Variants in RUNX1 observed in about 807,000 individuals in gnomAD.
RUNX1 encodes runt-related transcription factor 1.
A neutral mutation model predicts 42.8 loss-of-function variants in RUNX1; 19 were observed. That is an observed-to-expected ratio of 0.44 (90% CI 0.31 to 0.65). The LOEUF is 0.65. Among genes scored for constraint, RUNX1 ranks in the 30% least tolerant of loss-of-function variants. The pLI, the probability that RUNX1 is intolerant of heterozygous loss-of-function variation, is 0.07. For synonymous variants in RUNX1, 271 were observed against 289.4 expected (o/e 0.94, Z 0.64); for missense variants, 528 against 672.0 (o/e 0.79, Z 2.37).
chr21:34,999,303 G>A (rs572397448), intron 2 of RUNX1, among the ~76,000 whole-genome samples: 1 of 152,348 alleles, frequency 6.6e-6, no homozygotes, highest in South Asian at 2.1e-4. Context: ...TTAACAGGCT[G>A]CCTTTTCTCC....
chr21:34,827,411 A>G (rs2057003055), intron 7 of RUNX1, among the ~76,000 whole-genome samples: 1 of 152,238 alleles, frequency 6.6e-6, no homozygotes, highest in Non-Finnish European at 1.5e-5. Flanking sequence ...CTGGCCATGT[A>G]AAGAGTGAAA....
At chr21:34,819,273 A>C (rs2056874070) in intron 7 of RUNX1, among the ~76,000 whole-genome samples, 1 of 152,184 alleles carries the variant, frequency 6.6e-6, no homozygotes, top group Non-Finnish European at 1.5e-5. Flanking sequence ...TGGTTCTCAG[A>C]CTGCTGAGGC....
chr21:34,874,609 T>TCAAAAAA (rs2057787126), intron 5 of RUNX1, among the ~76,000 whole-genome samples: 1 of 23,272 alleles, frequency 4.3e-5, no homozygotes, highest in African/African-American at 8.9e-4. Context: ...AAACTCTGTC[T>TCAAAAAA]CAAAAAAAAA....
chr21:34,857,068 G>C (rs1025943684), intron 6 of RUNX1, among the ~76,000 whole-genome samples: 5 of 152,170 alleles, frequency 3.3e-5, no homozygotes, highest in African/African-American at 1.2e-4. Flanking sequence ...CATGCACTTG[G>C]CTTTTTTCTA....
At chr21:34,825,492 G>A (rs895810602) in intron 7 of RUNX1, among the ~76,000 whole-genome samples, 24 of 152,150 alleles carry the variant, frequency 1.6e-4, no homozygotes, top group African/African-American at 3.9e-4. Flanking sequence ...ATGATGTTGC[G>A]TTCAAACAAA....
intron 2 of RUNX1, among the ~76,000 whole-genome samples, chr21:34,897,223 C>T (rs547867261): frequency 7.2e-5 from 11 of 152,254 alleles, no homozygotes; most frequent in Middle Eastern, 3.4e-3. Flanking sequence ...GATAACAATT[C>T]GGCCCCCACC....
intron 5 of RUNX1, among the ~76,000 whole-genome samples, chr21:34,867,940 G>GGCCTCCTCCTGATTCCGATAGT (rs1412362491): frequency 2.0e-5 from 3 of 152,130 alleles, no homozygotes; most frequent in Non-Finnish European, 4.4e-5. Flanking sequence ...TCCTGGGCCT[G>GGCCTCCTCCTGATTCCGATAGT]GCCTCCTCCT....
intron 3 of RUNX1, chr21:34,888,155 G>C (rs1347371749): frequency 3.8e-6 from 4 of 1,066,278 alleles, no homozygotes; most frequent in Non-Finnish European, 4.5e-6. Context: ...GCCCTGACTC[G>C]GGCAGCAGCG....
At chr21:35,013,207 T>A (rs2059137779) in intron 2 of RUNX1, among the ~76,000 whole-genome samples, 1 of 152,200 alleles carries the variant, frequency 6.6e-6, no homozygotes, top group African/African-American at 2.4e-5. Flanking sequence ...TGTAAGTAAA[T>A]AACATTATAT....
chr21:35,029,470 T>G (rs75407474), intron 2 of RUNX1, among the ~76,000 whole-genome samples: 1,766 of 152,278 alleles, frequency 0.012, 12 homozygotes, highest in Middle Eastern at 0.051. Context: ...TCTAAGGCAT[T>G]GGGCAGGTGA....
intron 8 of RUNX1, among the ~76,000 whole-genome samples, chr21:34,795,418 A>G (rs1312497490): frequency 6.6e-6 from 1 of 152,126 alleles, no homozygotes; most frequent in African/African-American, 2.4e-5. Flanking sequence ...ACATTTTTAA[A>G]AATGAACTCC....
At chr21:34,974,527 T>C (rs774399734) in intron 2 of RUNX1, among the ~76,000 whole-genome samples, 1 of 152,208 alleles carries the variant, frequency 6.6e-6, no homozygotes, top group Non-Finnish European at 1.5e-5. Context: ...TTACATTTCA[T>C]GTTCCATTTG....
chr21:34,985,731 ATATTT>A (rs2058881027), intron 2 of RUNX1, among the ~76,000 whole-genome samples: 1 of 152,046 alleles, frequency 6.6e-6, no homozygotes, highest in Non-Finnish European at 1.5e-5. Context: ...TTATTCACTC[ATATTT>A]TATTATCCTA....
chr21:34,806,110 TATG>T (rs1027829271), intron 7 of RUNX1, among the ~76,000 whole-genome samples: 3 of 152,168 alleles, frequency 2.0e-5, no homozygotes, highest in Non-Finnish European at 4.4e-5. Flanking sequence ...AAGTTATAAA[TATG>T]ATTGATACTA....
intron 2 of RUNX1, among the ~76,000 whole-genome samples, chr21:34,986,733 G>A (rs1000557281): frequency 2.0e-5 from 3 of 151,942 alleles, no homozygotes; most frequent in Non-Finnish European, 4.4e-5. Flanking sequence ...GATGCTGGGG[G>A]AAGCAAGGAA....
chr21:34,982,402 G>GTGTGTGTGTGTC (rs1330140977), intron 2 of RUNX1, among the ~76,000 whole-genome samples: 1 of 151,294 alleles, frequency 6.6e-6, no homozygotes, highest in African/African-American at 2.4e-5. Context: ...AAAGGGGTGT[G>GTGTGTGTGTGTC]TGTGTGTGTG....
rs78052461 is a variant in RUNX1 at position 34,858,510 on chromosome 21, G to C, written c.613+964C>G. ...AGCAAGGCTCTGTAGCTCACTGAAG[G>C]CTTAAGAATTCCACTGGCTTGCCCA... On this transcript the variant is annotated intron_variant, in intron 6 of 8. Transcript: ENST00000675419. Among the ~76,000 whole-genome samples, 205 of 152,234 alleles carry C rather than the reference G, an allele frequency of 1.3e-3. 1 individual carries two copies. The highest frequency in any genetic ancestry group is 4.8e-3 in the African/African-American group (199 of 41,522).
At chr21:34,953,306 T>A (rs916662648) in intron 2 of RUNX1, among the ~76,000 whole-genome samples, 3 of 152,198 alleles carry the variant, frequency 2.0e-5, no homozygotes, top group Admixed American at 6.5e-5. Context: ...TTGTTGAGGA[T>A]AACAGTGTGC....
intron 2 of RUNX1, among the ~76,000 whole-genome samples, chr21:35,041,725 G>T: frequency 6.7e-6 from 1 of 148,566 alleles, no homozygotes. Context: ...TCCATGCTGA[G>T]GAAATAGACA....
Sources: allele counts gnomAD v4.1 joint callset (sites outside exome capture counted in the v4.1 genomes callset), GRCh38; gene constraint gnomAD v4.1.1; transcripts MANE v1.5; gene names NCBI Gene and HGNC (gene_info 2026-07-23, HGNC 2026-07-21).